The following BZW2 variants were observed in gnomAD, a reference collection of about 807,000 sequenced individuals.
BZW2 encodes the protein eIF5-mimic protein 1.
A neutral mutation model predicts 53.2 loss-of-function variants in BZW2; 23 were observed. That is an observed-to-expected ratio of 0.43 (90% CI 0.31 to 0.61). The LOEUF is 0.61. BZW2 is among the 20% of genes least tolerant of loss of function. The pLI is 0.09. For missense variants in BZW2, 409 were observed against 503.1 expected, an observed-to-expected ratio of 0.81 and a Z score of 1.79; for synonymous variants, 227 against 186.4, an observed-to-expected ratio of 1.22 and a Z score of -1.77.
chr7:16,675,855 G>A lies in BZW2; in HGVS notation c.235+1267G>A, dbSNP rs866072844. On this transcript the variant is annotated intron_variant, in intron 3 of 11. Coordinates refer to ENST00000258761, the MANE Select transcript of BZW2 (RefSeq NM_014038.3). ...AACACTTTGGGAGGCTGAGGCGGGC[G>A]GATCACCTGAGGTCAGGAGTTCGAG... Among the ~76,000 whole-genome samples, 54 of 152,098 alleles carry A rather than the reference G, an allele frequency of 3.6e-4. 1 individual carries two copies. The highest frequency in any genetic ancestry group is 5.2e-4 in the Admixed American group (8 of 15,300).
chr7:16,667,455 T>C (rs1782465868), intron 2 of BZW2, among the ~76,000 whole-genome samples: 1 of 152,234 alleles, frequency 6.6e-6, no homozygotes, highest in Non-Finnish European at 1.5e-5. Flanking sequence ...CATGTAATGA[T>C]CTTGCAGGAC....
chr7:16,665,653 T>C, intron 2 of BZW2, 152 bp downstream of exon 2: 2 of 1,295,460 alleles, frequency 1.5e-6, no homozygotes, highest in East Asian at 2.5e-5. Context: ...AGTGAAACCA[T>C]AGAACTGCCA....
chr7:16,649,419 G>A (rs1175902973), intron 1 of BZW2, among the ~76,000 whole-genome samples: 1 of 152,230 alleles, frequency 6.6e-6, no homozygotes, highest in African/African-American at 2.4e-5. Context: ...GAGGCAGAAA[G>A]TCTTTAAATG....
At chr7:16,685,471 T>A (rs1161762558) in intron 5 of BZW2, among the ~76,000 whole-genome samples, 1 of 152,012 alleles carries the variant, frequency 6.6e-6, no homozygotes, top group Non-Finnish European at 1.5e-5. Flanking sequence ...CCGTACAAAT[T>A]CTATTCAGAG....
At chr7:16,651,559 C>T (rs773827559) in intron 1 of BZW2, among the ~76,000 whole-genome samples, 39 of 152,116 alleles carry the variant, frequency 2.6e-4, no homozygotes, top group Admixed American at 2.6e-4. Flanking sequence ...CCCTAGTTGT[C>T]GGTGCAGAGG....
chr7:16,655,007 T>G (rs1057310055), intron 1 of BZW2, among the ~76,000 whole-genome samples: 3 of 152,242 alleles, frequency 2.0e-5, no homozygotes, highest in African/African-American at 7.2e-5. Flanking sequence ...TGCTGTTGTT[T>G]CTCAGCTTAA....
chr7:16,651,996 C>A (rs1260257326), intron 1 of BZW2, among the ~76,000 whole-genome samples: 1 of 152,188 alleles, frequency 6.6e-6, no homozygotes, highest in Non-Finnish European at 1.5e-5. Flanking sequence ...CTTTAGTTGG[C>A]TCCTTGGAAA....
chr7:16,703,671 T>C (rs998250765), intron 10 of BZW2, among the ~76,000 whole-genome samples: 5 of 152,200 alleles, frequency 3.3e-5, no homozygotes, highest in South Asian at 2.1e-4. Flanking sequence ...CATTAGAACA[T>C]TGGAACATTA....
intron 2 of BZW2, among the ~76,000 whole-genome samples, chr7:16,670,478 C>G (rs895377593): frequency 6.6e-6 from 1 of 152,160 alleles, no homozygotes; most frequent in African/African-American, 2.4e-5. Flanking sequence ...TGTGGTAGGG[C>G]CTTTGTGGGA....
chr7:16,681,442 A>G, intron 4 of BZW2, 38 bp downstream of exon 4: 1 of 1,522,718 alleles, frequency 6.6e-7, no homozygotes, highest in South Asian at 1.1e-5. Context: ...TTTGAAGAGG[A>G]CTGAGGAAAA....
At position 16,682,165 on chromosome 7, in the gene BZW2, C is replaced by A. The variant is rs375605951; in HGVS notation, c.340-615C>A. Reference sequence around the variant, plus strand: ...AGCCTGTGTGTAGGAGAAAAAGGAACTAGATTAAGAAATCATTTCCACAGT... The same window carrying A: ...AGCCTGTGTGTAGGAGAAAAAGGAAATAGATTAAGAAATCATTTCCACAGT... On this transcript the variant is annotated intron_variant, in intron 4 of 11. Transcript: ENST00000258761. Among the ~76,000 whole-genome samples the A allele has an allele frequency of 2.9e-3, 443 of 152,216 alleles. 3 individuals carry two copies. The highest frequency in any genetic ancestry group is 5.1e-3 in the Non-Finnish European group (345 of 68,008).
At chr7:16,656,598 A>AC (rs1562475777) in intron 1 of BZW2, among the ~76,000 whole-genome samples, 3 of 122,624 alleles carry the variant, frequency 2.4e-5, no homozygotes, top group African/African-American at 3.7e-5. Flanking sequence ...CACACACACA[A>AC]GTAGGTTTAG....
At chr7:16,683,639 G>A (rs1783023196) in intron 5 of BZW2, among the ~76,000 whole-genome samples, 1 of 152,222 alleles carries the variant, frequency 6.6e-6, no homozygotes, top group Non-Finnish European at 1.5e-5. Context: ...ATCCACAGTA[G>A]CATCTCCTTA....
intron 11 of BZW2, 63 bp from the exon 12 acceptor site, chr7:16,705,997 T>C: frequency 6.3e-7 from 1 of 1,594,744 alleles, no homozygotes; most frequent in Non-Finnish European, 8.6e-7. Context: ...GTGACTGTAG[T>C]AACTTTTGAC....
intron 3 of BZW2, 49 bp from the exon 4 acceptor site, chr7:16,681,252 G>A (rs370412201): frequency 1.4e-6 from 2 of 1,418,288 alleles, no homozygotes; most frequent in Non-Finnish European, 9.9e-7. Context: ...TGCAAATGCT[G>A]TTCTCAATTT....
At chr7:16,658,053 A>T (rs537681273) in intron 1 of BZW2, among the ~76,000 whole-genome samples, 20 of 152,218 alleles carry the variant, frequency 1.3e-4, no homozygotes, top group African/African-American at 4.8e-4. Context: ...TAAGAATGAC[A>T]TCAGTAAAAT....
chr7:16,649,994 T>C (rs1781948108), intron 1 of BZW2, among the ~76,000 whole-genome samples: 1 of 152,192 alleles, frequency 6.6e-6, no homozygotes, highest in African/African-American at 2.4e-5. Flanking sequence ...TTGGAAGTAT[T>C]ACAGCCTCTA....
intron 2 of BZW2, among the ~76,000 whole-genome samples, chr7:16,667,018 C>T (rs984924530): frequency 6.6e-6 from 1 of 151,916 alleles, no homozygotes; most frequent in East Asian, 1.9e-4. Context: ...CGTGGTGGCT[C>T]ATGCCTGTAA....
intron 11 of BZW2, among the ~76,000 whole-genome samples, chr7:16,705,540 C>T (rs980528012): frequency 1.7e-4 from 26 of 151,342 alleles, no homozygotes; most frequent in Middle Eastern, 3.4e-3. Context: ...AAAAAATTAG[C>T]CGGGCATGGT....
Sources: allele counts gnomAD v4.1 joint callset (sites outside exome capture counted in the v4.1 genomes callset), GRCh38; gene constraint gnomAD v4.1.1; transcripts MANE v1.5; gene names NCBI Gene and HGNC (gene_info 2026-07-23, HGNC 2026-07-21).